SLC24A2: variants seen among roughly 807,000 people sequenced by gnomAD.
SLC24A2 encodes the protein solute carrier family 24 member 2, also known as sodium/potassium/calcium exchanger 2.
In SLC24A2, 36 loss-of-function variants were observed where a neutral mutation model predicts 62.0. The observed-to-expected ratio is 0.58, with a 90% CI of 0.44 to 0.77. SLC24A2 has a LOEUF of 0.77. Ranked by LOEUF, SLC24A2 falls within the 30% of genes least tolerant of loss-of-function variation. The pLI, the probability that SLC24A2 is intolerant of heterozygous loss-of-function variation, is 0.00. For missense variants in SLC24A2, 846 were observed against 817.9 expected (o/e 1.03, Z -0.42); for synonymous variants, 358 against 294.0 (o/e 1.22, Z -2.23).
At chr9:19,778,601 G>A (rs142316054) in intron 2 of SLC24A2, among the ~76,000 whole-genome samples, 22 of 152,244 alleles carry the variant, frequency 1.4e-4, no homozygotes, top group African/African-American at 5.3e-4. Flanking sequence ...CGCTCATACG[G>A]GTTTGCAGTC....
chr9:19,547,449 G>A (rs1300169658), intron 8 of SLC24A2, among the ~76,000 whole-genome samples: 3 of 152,194 alleles, frequency 2.0e-5, no homozygotes, highest in Non-Finnish European at 4.4e-5. Flanking sequence ...CGTAACGACT[G>A]CCTTGATTGA....
chr9:19,907,945 A>G, the SLC24A2 span, among the ~76,000 whole-genome samples: 1 of 152,204 alleles, frequency 6.6e-6, no homozygotes, highest in Non-Finnish European at 1.5e-5. Context: ...ATCCCCATCA[A>G]GCTACCAATG....
chr9:20,249,643 TA>T, the SLC24A2 span, among the ~76,000 whole-genome samples: 1 of 136,586 alleles, frequency 7.3e-6, no homozygotes, highest in African/African-American at 2.9e-5. Context: ...AGGCAGAGGC[TA>T]CAGTGAGCTA....
intron 2 of SLC24A2, among the ~76,000 whole-genome samples, chr9:19,749,715 A>G (rs1821929174): frequency 6.6e-6 from 1 of 152,208 alleles, no homozygotes; most frequent in Non-Finnish European, 1.5e-5. Flanking sequence ...ACGCTAAAAA[A>G]TGACTCCTTG....
chr9:19,719,306 A>G (rs934939091), intron 2 of SLC24A2, among the ~76,000 whole-genome samples: 1 of 152,208 alleles, frequency 6.6e-6, no homozygotes, highest in African/African-American at 2.4e-5. Flanking sequence ...AGTGTGGCTA[A>G]GATGTTAAAA....
At chr9:20,141,893 G>A in the SLC24A2 span, among the ~76,000 whole-genome samples, 6 of 152,096 alleles carry the variant, frequency 3.9e-5, no homozygotes, top group African/African-American at 4.8e-5. Flanking sequence ...GACCAGCCTC[G>A]CCAACATGGC....
chr9:20,249,277 A>G, the SLC24A2 span, among the ~76,000 whole-genome samples: 2 of 152,222 alleles, frequency 1.3e-5, no homozygotes, highest in African/African-American at 4.8e-5. Context: ...AGCTGTGATT[A>G]TAATTATCAC....
At chr9:19,717,249 G>A (rs1357862441) in intron 2 of SLC24A2, among the ~76,000 whole-genome samples, 1 of 152,176 alleles carries the variant, frequency 6.6e-6, no homozygotes, top group Non-Finnish European at 1.5e-5. Context: ...AGCATATTGT[G>A]CTGGTTCACT....
the SLC24A2 span, among the ~76,000 whole-genome samples, chr9:20,075,594 A>C: frequency 0.17 from 25,782 of 152,078 alleles, 3,728 homozygotes; most frequent in East Asian, 0.66. Flanking sequence ...TGAGTAGGAG[A>C]TCAGATGGCT....
the SLC24A2 span, among the ~76,000 whole-genome samples, chr9:20,083,062 A>G: frequency 6.6e-6 from 1 of 152,204 alleles, no homozygotes. Context: ...GTCATTAAGC[A>G]TATCTCCTTG....
At chr9:19,559,762 A>AGT (rs1336601894) in intron 7 of SLC24A2, among the ~76,000 whole-genome samples, 2 of 152,202 alleles carry the variant, frequency 1.3e-5, no homozygotes, top group African/African-American at 4.8e-5. Flanking sequence ...CACCCAAAAC[A>AGT]GTGGCTGGCT....
At chr9:20,024,006 A>G in the SLC24A2 span, among the ~76,000 whole-genome samples, 1 of 152,204 alleles carries the variant, frequency 6.6e-6, no homozygotes, top group African/African-American at 2.4e-5. Context: ...CTAGCCTTTA[A>G]TTAGCTGCAT....
the SLC24A2 span, among the ~76,000 whole-genome samples, chr9:19,919,239 G>A: frequency 1.3e-5 from 2 of 152,118 alleles, no homozygotes; most frequent in African/African-American, 2.4e-5. Context: ...TAAGCAAACA[G>A]GCCCAGAGAT....
intron 9 of SLC24A2, among the ~76,000 whole-genome samples, chr9:19,522,112 G>A (rs922705624): frequency 2.0e-5 from 3 of 152,264 alleles, no homozygotes; most frequent in African/African-American, 2.4e-5. Flanking sequence ...GGGCTCAAGC[G>A]ATCTTCCAAC....
At chr9:20,037,962 T>G in the SLC24A2 span, among the ~76,000 whole-genome samples, 2 of 152,208 alleles carry the variant, frequency 1.3e-5, no homozygotes, top group Non-Finnish European at 2.9e-5. Flanking sequence ...GATTACAATA[T>G]TATCACTTCA....
the SLC24A2 span, among the ~76,000 whole-genome samples, chr9:20,252,157 T>C: frequency 6.6e-6 from 1 of 152,208 alleles, no homozygotes. Context: ...AGTAGACTGC[T>C]ATGGACAATG....
At chr9:20,177,523 C>G in the SLC24A2 span, among the ~76,000 whole-genome samples, 1 of 151,924 alleles carries the variant, frequency 6.6e-6, no homozygotes, top group Admixed American at 6.6e-5. Context: ...AGGTGTTGAC[C>G]CCGTTAGATG....
At chr9:19,766,324 C>T (rs553703064) in intron 2 of SLC24A2, among the ~76,000 whole-genome samples, 10 of 152,244 alleles carry the variant, frequency 6.6e-5, no homozygotes, top group Non-Finnish European at 1.3e-4. Context: ...ATTCTCTGTC[C>T]AGTTTTGTTC....
chr9:19,646,176 C>G (rs1004071303), intron 2 of SLC24A2, among the ~76,000 whole-genome samples: 1 of 152,200 alleles, frequency 6.6e-6, no homozygotes, highest in Non-Finnish European at 1.5e-5. Flanking sequence ...CTTTGTGTAA[C>G]TAATAGTCAT....
Sources: allele counts gnomAD v4.1 joint callset (sites outside exome capture counted in the v4.1 genomes callset), GRCh38; gene constraint gnomAD v4.1.1; transcripts MANE v1.5; gene names NCBI Gene and HGNC (gene_info 2026-07-23, HGNC 2026-07-21).